The following ESF1 variants were observed in gnomAD, a reference collection of about 807,000 sequenced individuals.
ESF1 encodes ESF1 nucleolar pre-rRNA processing protein.
In ESF1, 58 loss-of-function variants were observed where a neutral mutation model predicts 92.0. The observed-to-expected ratio is 0.63, with a 90% CI of 0.51 to 0.78. ESF1 has a LOEUF of 0.78. Ranked by LOEUF, ESF1 falls within the 30% of genes least tolerant of loss-of-function variation. The pLI is 0.00. For synonymous variants in ESF1, 321 were observed against 313.7 expected, an observed-to-expected ratio of 1.02 and a Z score of -0.24; for missense variants, 922 against 989.1, an observed-to-expected ratio of 0.93 and a Z score of 0.91.
chr20:13,729,214 C>A (rs903809643), intron 10 of ESF1, among the ~76,000 whole-genome samples: 1 of 152,066 alleles, frequency 6.6e-6, no homozygotes, highest in Non-Finnish European at 1.5e-5. Flanking sequence ...GCCAAGATGG[C>A]GCAACTGCAC....
rs551495026 is a variant in ESF1, at chr20:13,717,199, C to T, written c.2262+169G>A. Among the ~76,000 whole-genome samples the T allele has an allele frequency of 3.2e-3, 480 of 152,202 alleles. 1 individual carries two copies. The highest frequency in any genetic ancestry group is 4.5e-3 in the Non-Finnish European group (305 of 68,022). On this transcript the variant is annotated intron_variant, in intron 13 of 13. Coordinates refer to ENST00000617257, the MANE Select transcript of ESF1 (RefSeq NM_001276380.2). ...TCTCCAACTCCTGGACTCAAGTGAT[C>T]CTCATGCCTCGGCCTCCAAAAAAGT...
intron 11 of ESF1, among the ~76,000 whole-genome samples, chr20:13,721,005 C>A (rs544449818): frequency 1.3e-4 from 20 of 152,270 alleles, no homozygotes; most frequent in African/African-American, 4.8e-4. Context: ...CACCTGTAGT[C>A]CCAGCTACTA....
chr20:13,779,841 C>T (rs112810463), intron 2 of ESF1, among the ~76,000 whole-genome samples: 3 of 152,190 alleles, frequency 2.0e-5, no homozygotes, highest in African/African-American at 7.2e-5. Context: ...AGCCAGTTAC[C>T]GTTTTATTTT....
intron 9 of ESF1, among the ~76,000 whole-genome samples, chr20:13,734,873 A>G (rs1202244597): frequency 6.6e-6 from 1 of 152,170 alleles, no homozygotes; most frequent in Non-Finnish European, 1.5e-5. Flanking sequence ...GTTGATGAGT[A>G]TATACAGACT....
intron 8 of ESF1, among the ~76,000 whole-genome samples, chr20:13,766,191 A>C (rs1359550037): frequency 1.3e-5 from 2 of 152,214 alleles, no homozygotes; most frequent in African/African-American, 2.4e-5. Flanking sequence ...TAAAAGGATA[A>C]AGAAAAAACA....
intron 13 of ESF1, among the ~76,000 whole-genome samples, chr20:13,716,836 TAGACAGA>T (rs2049831468): frequency 2.8e-5 from 3 of 108,756 alleles, no homozygotes; most frequent in Admixed American, 1.1e-4. Context: ...TTTTTTTTTT[TAGACAGA>T]GTCTTGCTCT....
chr20:13,758,874 C>T (rs1463670263), intron 9 of ESF1, among the ~76,000 whole-genome samples: 1 of 152,094 alleles, frequency 6.6e-6, no homozygotes, highest in Non-Finnish European at 1.5e-5. Flanking sequence ...AGGATACATT[C>T]CAGGACCCAC....
At chr20:13,741,830 G>A (rs563738912) in intron 9 of ESF1, among the ~76,000 whole-genome samples, 8 of 152,204 alleles carry the variant, frequency 5.3e-5, no homozygotes, top group African/African-American at 1.9e-4. Context: ...GGAGAAGAGA[G>A]GAATTACAAA....
chr20:13,751,633 C>CT (rs1451010180), intron 9 of ESF1, among the ~76,000 whole-genome samples: 13 of 152,176 alleles, frequency 8.5e-5, no homozygotes, highest in South Asian at 6.2e-4. Context: ...TTAGCACTTT[C>CT]TGAAACTACT....
intron 2 of ESF1, among the ~76,000 whole-genome samples, chr20:13,781,223 G>T (rs1184172871): frequency 6.6e-6 from 1 of 152,134 alleles, no homozygotes; most frequent in East Asian, 1.9e-4. Flanking sequence ...AGTCACATGT[G>T]GTAACGGAGC....
In ESF1 at chr20:13,717,378, T is replaced by C. The variant is rs563127176; in HGVS notation, c.2252A>G (p.Asp751Gly). Residue 751 changes from aspartate to glycine, a missense_variant, in exon 13 of 14, where the codon GAT becomes GGT. By Grantham distance (94) the Asp-to-Gly change is moderately conservative. Coordinates refer to ENST00000617257, the MANE Select transcript of ESF1 (RefSeq NM_001276380.2). ...GGTGTCTATGGTTACCTCAAAGTCA[T>C]CCTCTATTAATTCCTTCTTTTTCAT... ...QLMKKKELIEDDFEVNVNDAR... is the reference protein window; with the variant it reads ...QLMKKKELIEGDFEVNVNDAR... 35 of 1,613,944 alleles carry C rather than the reference T, an allele frequency of 2.2e-5. No individual in the cohort carries two copies. In the South Asian group the frequency reaches 3.6e-4, roughly 17 times the overall value.
intron 8 of ESF1, among the ~76,000 whole-genome samples, chr20:13,760,430 G>A (rs1355114288): frequency 2.8e-4 from 40 of 143,846 alleles, no homozygotes; most frequent in Admixed American, 9.6e-4. Flanking sequence ...TGTGAGGAGC[G>A]CCTCTGCCCG....
intron 11 of ESF1, among the ~76,000 whole-genome samples, chr20:13,721,110 G>A (rs375610593): frequency 1.2e-4 from 19 of 152,194 alleles, no homozygotes; most frequent in Admixed American, 3.3e-4. Context: ...GCAACAGAGC[G>A]AGACTCTGTC....
intron 8 of ESF1, chr20:13,762,863 T>C: frequency 3.0e-6 from 1 of 338,808 alleles, no homozygotes. Flanking sequence ...AGTTTTTTTT[T>C]TTTTTTTTTT....
intron 9 of ESF1, among the ~76,000 whole-genome samples, chr20:13,739,432 T>C (rs1461266354): frequency 2.0e-5 from 3 of 152,194 alleles, no homozygotes; most frequent in Admixed American, 6.5e-5. Flanking sequence ...TAGGGAGCTA[T>C]TGTTTCCTGT....
intron 9 of ESF1, among the ~76,000 whole-genome samples, chr20:13,743,272 G>A (rs995671739): frequency 6.6e-6 from 1 of 152,092 alleles, no homozygotes; most frequent in Non-Finnish European, 1.5e-5. Flanking sequence ...GTGTGTACAC[G>A]GTTGGTGGGA....
chr20:13,733,356 T>A (rs2049955906), intron 10 of ESF1, among the ~76,000 whole-genome samples: 2 of 152,248 alleles, frequency 1.3e-5, no homozygotes, highest in South Asian at 4.1e-4. Flanking sequence ...TAAAAACCTC[T>A]ATGTGCATAT....
At position 13,782,598 on chromosome 20, in the gene ESF1, G is replaced by C; in HGVS notation, c.543C>G (p.Leu181=). The C allele has an allele frequency of 6.3e-7, 1 of 1,595,542 alleles. No individual in the cohort carries two copies. Among genetic ancestry groups the C allele is most frequent in the African/African-American group, 1.4e-5 (1 of 73,758 alleles). The change falls in exon 2 of 14, where the codon CTC becomes CTG. Residue 181 remains leucine, a synonymous_variant. Coordinates refer to ENST00000617257, the MANE Select transcript of ESF1 (RefSeq NM_001276380.2). ...AGTCTAATGTCCTTTGTTTTTCTTC[G>C]AGAGAAGAGTCTGTAGTATGTTGAA... is the stretch of plus-strand genomic sequence containing the variant. ...NIVQHTTDSS[L]EEKQRTLDSG... is the part of the protein sequence containing the mutation.
chr20:13,733,642 T>A lies in ESF1; in HGVS notation c.1950+79A>T, dbSNP rs1232811577. 9.2e-6 allele frequency: 13 copies of A among 1,409,300 alleles called. No individual in the cohort carries two copies. In the East Asian group the frequency reaches 2.8e-4, roughly 30 times the overall value. 87.3% of individuals were successfully genotyped at this position (1,409,300 alleles called of 1,614,324 possible). A position where few individuals can be genotyped will look rare whatever the true frequency, so the allele number is the denominator to read the frequency against. On this transcript the variant is annotated intron_variant, in intron 10 of 13. Transcript: ENST00000617257. The stretch of plus-strand genomic sequence containing the variant: ...TTCAGTGAGTGGTTACATTTTGAGA[T>A]AATGGATTCCAAGCACCTGGTACCA...
Sources: allele counts gnomAD v4.1 joint callset (sites outside exome capture counted in the v4.1 genomes callset), GRCh38; gene constraint gnomAD v4.1.1; transcripts MANE v1.5; gene names NCBI Gene and HGNC (gene_info 2026-07-23, HGNC 2026-07-21).